The following ATP8B1 variants were observed in gnomAD, a reference collection of about 807,000 sequenced individuals.
ATP8B1 encodes the protein ATPase phospholipid transporting 8B1, also known as phospholipid-transporting ATPase IC.
ATP8B1 carries 80 observed loss-of-function variants against 149.9 expected under a neutral mutation model. The ratio of observed to expected loss-of-function variants is 0.53; its 90% CI spans 0.45 to 0.64. ATP8B1 has a LOEUF of 0.64. Ranked by LOEUF, ATP8B1 falls within the 30% of genes least tolerant of loss-of-function variation. The pLI, the probability that ATP8B1 is intolerant of heterozygous loss-of-function variation, is 0.00. For synonymous variants in ATP8B1, 536 were observed against 562.8 expected, an observed-to-expected ratio of 0.95 and a Z score of 0.67; for missense variants, 1,247 against 1,552.6, an observed-to-expected ratio of 0.80 and a Z score of 3.31.
rs772884220 is a variant in ATP8B1 at position 57,662,469 on chromosome 18, CT to C, written c.2418+13del. The C allele has an allele frequency of 3.1e-6, 5 of 1,614,046 alleles. No individual in the cohort carries two copies. The highest frequency in any genetic ancestry group is 4.2e-6 in the Non-Finnish European group (5 of 1,179,950). ...CTTTTGAGTTAAAGGCACAGATACA[CT>C]AATGATACGTACCAACCAAGAACCA... On this transcript the variant is annotated intron_variant, in intron 21 of 27. Transcript: ENST00000648908.
At chr18:57,669,166 A>T in intron 18 of ATP8B1, 152 bp downstream of exon 18, 3 of 789,752 alleles carry the variant, frequency 3.8e-6, no homozygotes, top group Non-Finnish European at 5.7e-6. Context: ...ATTTTGGTGA[A>T]TAAAAGAAAT....
chr18:57,697,386 C>T (rs752806375), intron 8 of ATP8B1, among the ~76,000 whole-genome samples: 5 of 152,140 alleles, frequency 3.3e-5, no homozygotes, highest in Non-Finnish European at 7.3e-5. Context: ...TGATAAAGGG[C>T]TCAGACACAT....
chr18:57,651,472 T>G (rs919565021), intron 26 of ATP8B1, among the ~76,000 whole-genome samples: 3 of 152,170 alleles, frequency 2.0e-5, no homozygotes, highest in Non-Finnish European at 4.4e-5. Flanking sequence ...TTAAGTTATC[T>G]AATTCAACAC....
intron 21 of ATP8B1, among the ~76,000 whole-genome samples, chr18:57,661,716 T>A (rs55641219): frequency 0.063 from 3,130 of 50,032 alleles, 33 homozygotes; most frequent in African/African-American, 0.14. Flanking sequence ...TATATATATT[T>A]TTTTTTTTTT....
intron 1 of ATP8B1, chr18:57,740,550 G>GTTTGCTT (rs2079902431): frequency 6.8e-6 from 1 of 146,068 alleles, no homozygotes; most frequent in African/African-American, 2.5e-5. Flanking sequence ...ACATGAGGTG[G>GTTTGCTT]TTTGCTTCTT....
intron 1 of ATP8B1, among the ~76,000 whole-genome samples, chr18:57,795,551 G>A (rs911399699): frequency 6.6e-6 from 1 of 152,172 alleles, no homozygotes; most frequent in Non-Finnish European, 1.5e-5. Context: ...ATTCTGACTT[G>A]TGCTACAACA....
intron 1 of ATP8B1, among the ~76,000 whole-genome samples, chr18:57,760,766 G>A (rs2080141949): frequency 6.6e-6 from 1 of 152,092 alleles, no homozygotes; most frequent in Non-Finnish European, 1.5e-5. Flanking sequence ...CGAGGTGGGT[G>A]GATCATGAGG....
At chr18:57,801,193 C>T (rs536499241) in intron 1 of ATP8B1, among the ~76,000 whole-genome samples, 1 of 152,156 alleles carries the variant, frequency 6.6e-6, no homozygotes. Flanking sequence ...CTGTGTTGGA[C>T]AGTAATAACC....
At chr18:57,777,725 T>C (rs1303298333) in intron 1 of ATP8B1, among the ~76,000 whole-genome samples, 1 of 152,176 alleles carries the variant, frequency 6.6e-6, no homozygotes, top group Non-Finnish European at 1.5e-5. Context: ...TGTGCCACCA[T>C]GCCCAGCTAA....
At chr18:57,791,336 T>TTTTTC (rs201230297) in intron 1 of ATP8B1, among the ~76,000 whole-genome samples, 4 of 145,690 alleles carry the variant, frequency 2.7e-5, no homozygotes, top group Non-Finnish European at 4.5e-5. Flanking sequence ...TCCTTTTTTC[T>TTTTTC]TTTTCTTTTC....
At chr18:57,766,935 T>G (rs1217284637) in intron 1 of ATP8B1, among the ~76,000 whole-genome samples, 1 of 152,146 alleles carries the variant, frequency 6.6e-6, no homozygotes, top group Non-Finnish European at 1.5e-5. Context: ...GACAGGTGCA[T>G]GAAAGGGACA....
chr18:57,695,764 T>G (rs1912777241), intron 8 of ATP8B1, among the ~76,000 whole-genome samples: 1 of 152,226 alleles, frequency 6.6e-6, no homozygotes, highest in African/African-American at 2.4e-5. Context: ...TTTGTTGTTG[T>G]GAAGGTTAGG....
At position 57,784,654 on chromosome 18, in the gene ATP8B1, A is replaced by G. The variant is rs1568070463; in HGVS notation, c.-26+18344T>C. On this transcript the variant is annotated intron_variant, in intron 1 of 27. Coordinates refer to ENST00000648908, the MANE Select transcript of ATP8B1 (RefSeq NM_001374385.1). This position sits in a 1 kb window ranked among gnomAD's most constrained non-coding sequence, Gnocchi z 4.4. ...TGCTCGAGGTGCTGTGTTTAGGGGC[A>G]TGCAGGAGAGTATTATGAAACGTGC... 6.6e-6 allele frequency among the ~76,000 whole-genome samples: 1 copy of G among 152,108 alleles called. No homozygotes were observed. Among genetic ancestry groups the G allele is most frequent in the African/African-American group, 2.4e-5 (1 of 41,380 alleles).
At chr18:57,688,194 G>A (rs560939330) in intron 13 of ATP8B1, 105 bp downstream of exon 13, 59 of 1,281,128 alleles carry the variant, frequency 4.6e-5, no homozygotes, top group Non-Finnish European at 5.7e-5. Flanking sequence ...ACTCTGCATC[G>A]AGAGGGCACC....
chr18:57,745,045 T>C (rs1388395335), intron 1 of ATP8B1, among the ~76,000 whole-genome samples: 3 of 152,330 alleles, frequency 2.0e-5, no homozygotes, highest in East Asian at 3.9e-4. Flanking sequence ...GATGAAAACA[T>C]AGACACCATT....
chr18:57,784,722 A>T lies in ATP8B1; in HGVS notation c.-26+18276T>A, dbSNP rs1171429594. 6.6e-6 allele frequency among the ~76,000 whole-genome samples: 1 copy of T among 152,114 alleles called. No individual in the cohort carries two copies. Among genetic ancestry groups the T allele is most frequent in the Non-Finnish European group, 1.5e-5 (1 of 68,012 alleles). On this transcript the variant is annotated intron_variant, in intron 1 of 27. Coordinates refer to ENST00000648908, the MANE Select transcript of ATP8B1 (RefSeq NM_001374385.1). This position sits in a 1 kb window ranked among gnomAD's most constrained non-coding sequence, Gnocchi z 4.4. The stretch of plus-strand genomic sequence containing the variant: ...CGTGCCTATGACTAAGTCCTGCGAA[A>T]CCGTAGCATTTTAAGAGGACTCCTA...
At chr18:57,661,711 ATATTTT>A (rs1421515418) in intron 21 of ATP8B1, among the ~76,000 whole-genome samples, 48 of 91,494 alleles carry the variant, frequency 5.2e-4, no homozygotes, top group Admixed American at 1.3e-3. Context: ...ATATATATAT[ATATTTT>A]TTTTTTTTTT....
At chr18:57,779,120 C>G (rs1419450208) in intron 1 of ATP8B1, among the ~76,000 whole-genome samples, 2 of 151,866 alleles carry the variant, frequency 1.3e-5, no homozygotes, top group African/African-American at 4.8e-5. Flanking sequence ...CCCAGGAGTT[C>G]GAGACCAGCC....
At chr18:57,797,848 G>A (rs559708573) in intron 1 of ATP8B1, among the ~76,000 whole-genome samples, 3 of 151,382 alleles carry the variant, frequency 2.0e-5, no homozygotes, top group Non-Finnish European at 4.4e-5. Context: ...CTGGGACTAC[G>A]GGCGCATGCC....
Sources: allele counts gnomAD v4.1 joint callset (sites outside exome capture counted in the v4.1 genomes callset), GRCh38; gene constraint gnomAD v4.1.1; non-coding constraint Gnocchi (gnomAD v3.1); transcripts MANE v1.5; gene names NCBI Gene and HGNC (gene_info 2026-07-23, HGNC 2026-07-21).